Variants in TRPM3 observed in about 807,000 individuals in gnomAD.
TRPM3 encodes the protein transient receptor potential cation channel subfamily M member 3.
TRPM3 carries 77 observed loss-of-function variants against 181.2 expected under a neutral mutation model. That is an observed-to-expected ratio of 0.42 (90% CI 0.35 to 0.51). The LOEUF (loss-of-function observed/expected upper bound fraction) is 0.51, where lower values mean the gene tolerates loss of function less well. Ranked by LOEUF, TRPM3 falls within the 20% of genes least tolerant of loss-of-function variation. TRPM3 has a pLI of 0.01. For synonymous variants in TRPM3, 745 were observed against 796.4 expected, an observed-to-expected ratio of 0.94 and a Z score of 1.09; for missense variants, 1,759 against 2,196.7, an observed-to-expected ratio of 0.80 and a Z score of 3.98.
intron 1 of TRPM3, among the ~76,000 whole-genome samples, chr9:70,909,873 C>A (rs979088943): frequency 1.3e-4 from 20 of 151,986 alleles, no homozygotes; most frequent in Non-Finnish European, 1.0e-4. Context: ...GCATTCCCAC[C>A]CTAATAGCTA....
intron 1 of TRPM3, among the ~76,000 whole-genome samples, chr9:71,445,649 T>A (rs1345556989): frequency 6.6e-6 from 1 of 152,240 alleles, no homozygotes; most frequent in East Asian, 1.9e-4. Context: ...CAATGACGAC[T>A]TCCCAAAAAC....
chr9:70,942,401 G>A (rs2096894775), intron 1 of TRPM3, among the ~76,000 whole-genome samples: 1 of 152,154 alleles, frequency 6.6e-6, no homozygotes, highest in Non-Finnish European at 1.5e-5. Context: ...AGAGGAAAAA[G>A]CAAAGAATTG....
At chr9:70,927,289 A>G (rs2096730117) in intron 1 of TRPM3, among the ~76,000 whole-genome samples, 1 of 152,170 alleles carries the variant, frequency 6.6e-6, no homozygotes, top group South Asian at 2.1e-4. Flanking sequence ...TCACACTTTC[A>G]TGTTCTGGAC....
intron 1 of TRPM3, among the ~76,000 whole-genome samples, chr9:70,961,779 G>T (rs1251999351): frequency 5.3e-5 from 8 of 152,040 alleles, no homozygotes; most frequent in Admixed American, 5.2e-4. Context: ...CATGCACAAA[G>T]AAAGCATTAA....
intron 6 of TRPM3, chr9:70,825,460 T>C (rs1588896313): frequency 6.6e-6 from 1 of 152,358 alleles, no homozygotes; most frequent in East Asian, 1.9e-4. Flanking sequence ...TCCCCTCCTT[T>C]GTACTCTAGA....
At chr9:70,855,032 C>T (rs28607835) in intron 3 of TRPM3, among the ~76,000 whole-genome samples, 32,999 of 152,142 alleles carry the variant, frequency 0.22, 4,427 homozygotes, top group Non-Finnish European at 0.29. Context: ...AACTAAAACT[C>T]TCAAGTTTTT....
chr9:71,311,809 A>G (rs2087969577), intron 1 of TRPM3, among the ~76,000 whole-genome samples: 1 of 152,000 alleles, frequency 6.6e-6, no homozygotes, highest in Non-Finnish European at 1.5e-5. Flanking sequence ...TAAAATAAAT[A>G]TAAAAATAAA....
At chr9:70,853,342 G>A (rs1421455290) in intron 3 of TRPM3, among the ~76,000 whole-genome samples, 2 of 152,156 alleles carry the variant, frequency 1.3e-5, no homozygotes, top group Admixed American at 6.5e-5. Flanking sequence ...CTTACCTGGG[G>A]ACCTTGTCAA....
At chr9:70,883,142 C>T (rs897306946) in intron 1 of TRPM3, among the ~76,000 whole-genome samples, 1 of 152,048 alleles carries the variant, frequency 6.6e-6, no homozygotes, top group African/African-American at 2.4e-5. Flanking sequence ...CCTCTCTGAC[C>T]ACACGTGGCC....
Position 70,625,520 on chromosome 9 carries a change from T to G in TRPM3, c.1633-3A>C. 1 of 1,611,556 alleles carries G rather than the reference T, an allele frequency of 6.2e-7. No individual in the cohort carries two copies. Among genetic ancestry groups the G allele is most frequent in the African/African-American group, 1.3e-5 (1 of 74,840 alleles). On this transcript the variant is annotated splice_polypyrimidine_tract_variant and splice_region_variant and intron_variant, in intron 12 of 25. Coordinates refer to ENST00000677713, the MANE Select transcript of TRPM3 (RefSeq NM_001366145.2). This position sits in a 1 kb window ranked among gnomAD's most constrained non-coding sequence, Gnocchi z 4.8. ...CAACCGAAACCTGGATACTCTCGCT[T>G]GGAAAGAAGACATAAGTTAAATAAG...
At chr9:71,378,878 C>T (rs1461770138) in intron 1 of TRPM3, among the ~76,000 whole-genome samples, 1 of 151,830 alleles carries the variant, frequency 6.6e-6, no homozygotes, top group South Asian at 2.1e-4. Flanking sequence ...ATATATAATG[C>T]GTACAACTAT....
At chr9:71,125,812 C>T (rs1295384616), upstream of TRPM3, among the ~76,000 whole-genome samples, 1 of 152,120 alleles carries the variant, frequency 6.6e-6, no homozygotes, top group East Asian at 1.9e-4. Flanking sequence ...TAGGCACAGG[C>T]TAAGATTTCA....
intron 1 of TRPM3, among the ~76,000 whole-genome samples, chr9:71,318,173 G>A (rs529189577): frequency 3.0e-4 from 46 of 152,236 alleles, no homozygotes; most frequent in Non-Finnish European, 6.2e-4. Context: ...TAATTTAGAA[G>A]ATATATTTAA....
rs75249954 is a variant in TRPM3, at chr9:71,238,254, A to T, written c.183+208399T>A. On this transcript the variant is annotated intron_variant, in intron 1 of 24. Transcript: ENST00000357533. ...TCATGAATAAGGCCTGTCAGAGGTG[A>T]TGCTTGATTTTTCAAAGATTAAGTC... Among the ~76,000 whole-genome samples the T allele has an allele frequency of 6.8e-3, 1,029 of 152,058 alleles. 11 individuals carry two copies. The highest frequency in any genetic ancestry group is 0.01 in the Non-Finnish European group (710 of 67,982).
chr9:70,559,277 C>G (rs2048476631), intron 22 of TRPM3, among the ~76,000 whole-genome samples: 1 of 152,172 alleles, frequency 6.6e-6, no homozygotes, highest in Non-Finnish European at 1.5e-5. Flanking sequence ...CAATGTCAGG[C>G]CACATTCTGT....
intron 1 of TRPM3, among the ~76,000 whole-genome samples, chr9:70,998,240 CACA>C (rs2097563720): frequency 7.1e-6 from 1 of 140,706 alleles, no homozygotes; most frequent in Admixed American, 7.3e-5. Flanking sequence ...CACACACACA[CACA>C]CACACACATA....
At chr9:70,762,913 G>A (rs774077047) in intron 7 of TRPM3, among the ~76,000 whole-genome samples, 1 of 152,112 alleles carries the variant, frequency 6.6e-6, no homozygotes, top group South Asian at 2.1e-4. Flanking sequence ...CTTCATCACT[G>A]TGGCTATTTG....
At chr9:71,066,256 T>C (rs1020176992) in intron 1 of TRPM3, among the ~76,000 whole-genome samples, 1 of 152,208 alleles carries the variant, frequency 6.6e-6, no homozygotes, top group Non-Finnish European at 1.5e-5. Context: ...AAACAAGATT[T>C]GACTTAGTGA....
chr9:70,752,003 T>C, intron 8 of TRPM3, among the ~76,000 whole-genome samples: 1 of 70,684 alleles, frequency 1.4e-5, no homozygotes, highest in South Asian at 7.1e-4. Context: ...CTCAACAGTG[T>C]GTGTGTGTGT....
Sources: allele counts gnomAD v4.1 joint callset (sites outside exome capture counted in the v4.1 genomes callset), GRCh38; gene constraint gnomAD v4.1.1; non-coding constraint Gnocchi (gnomAD v3.1); transcripts MANE v1.5; gene names NCBI Gene and HGNC (gene_info 2026-07-23, HGNC 2026-07-21).